Variants in RALYL observed in about 807,000 individuals in gnomAD.
RALYL encodes RNA-binding Raly-like protein.
RALYL carries 29 observed loss-of-function variants against 35.1 expected under a neutral mutation model. The observed-to-expected ratio is 0.83, with a 90% CI of 0.61 to 1.13. The LOEUF (loss-of-function observed/expected upper bound fraction) is 1.13. RALYL is among the 50% of genes most tolerant of loss of function. RALYL has a pLI of 0.00. For synonymous variants in RALYL, 120 were observed against 127.6 expected (o/e 0.94, Z 0.40); for missense variants, 359 against 360.4 (o/e 1.00, Z 0.03).
intron 3 of RALYL, among the ~76,000 whole-genome samples, chr8:84,782,322 G>C (rs1818379403): frequency 6.6e-6 from 1 of 152,138 alleles, no homozygotes; most frequent in Non-Finnish European, 1.5e-5. Flanking sequence ...TCTAAGTCTA[G>C]AAGAAAAAGA....
chr8:84,489,862 G>C (rs2055068078), intron 1 of RALYL, among the ~76,000 whole-genome samples: 1 of 152,040 alleles, frequency 6.6e-6, no homozygotes, highest in Non-Finnish European at 1.5e-5. Flanking sequence ...GAGAGCACAA[G>C]TGGTTTGGAA....
At chr8:84,281,401 A>T (rs1034804713) in intron 1 of RALYL, among the ~76,000 whole-genome samples, 1 of 151,952 alleles carries the variant, frequency 6.6e-6, no homozygotes, top group Admixed American at 6.6e-5. Context: ...CTTTGTTCGA[A>T]TTTTTTTTCT....
chr8:84,737,674 G>A lies in RALYL; in HGVS notation c.257-36905G>A, dbSNP rs143786723. On this transcript the variant is annotated intron_variant, in intron 2 of 8. Coordinates refer to ENST00000521268, the MANE Select transcript of RALYL (RefSeq NM_173848.7). ...TTTGTGTCCCCAAATTTTATATGGC[G>A]AAACCTCATCAGCAATGTGGTGGTG... Among the ~76,000 whole-genome samples the A allele has an allele frequency of 4.5e-3, 681 of 152,014 alleles. 1 individual carries two copies. Among genetic ancestry groups the A allele is most frequent in the Admixed American group, 9.9e-3 (150 of 15,212 alleles).
chr8:84,632,810 G>A (rs1266393055), intron 2 of RALYL, among the ~76,000 whole-genome samples: 2 of 151,850 alleles, frequency 1.3e-5, no homozygotes, highest in Non-Finnish European at 2.9e-5. Flanking sequence ...TTTTCCCAGA[G>A]GAATATACAG....
At chr8:84,565,220 A>G (rs2061701775) in intron 2 of RALYL, among the ~76,000 whole-genome samples, 1 of 151,616 alleles carries the variant, frequency 6.6e-6, no homozygotes, top group Admixed American at 6.6e-5. Context: ...AGCTAATACT[A>G]TTTGAGTGCA....
intron 1 of RALYL, among the ~76,000 whole-genome samples, chr8:84,335,769 G>C (rs187632933): frequency 1.8e-5 from 2 of 109,338 alleles, no homozygotes; most frequent in African/African-American, 7.8e-5. Context: ...CATCTTACTT[G>C]GTGGGCAAAC....
chr8:84,671,940 A>T (rs943664289), intron 2 of RALYL, among the ~76,000 whole-genome samples: 1 of 152,082 alleles, frequency 6.6e-6, no homozygotes, highest in Non-Finnish European at 1.5e-5. Context: ...TTTCTTTTCT[A>T]TTGCATTGTC....
chr8:84,625,106 A>G (rs1159445018), intron 2 of RALYL, among the ~76,000 whole-genome samples: 1 of 152,208 alleles, frequency 6.6e-6, no homozygotes, highest in African/African-American at 2.4e-5. Context: ...ATGTAAAATT[A>G]TGTTGAAAAG....
chr8:84,674,166 C>T lies in RALYL; in HGVS notation c.257-100413C>T, dbSNP rs981052262. On this transcript the variant is annotated intron_variant, in intron 2 of 8. Coordinates refer to ENST00000521268, the MANE Select transcript of RALYL (RefSeq NM_173848.7). ...GAATGGGAGTTCATTCCTTATTTGGCTCTTGGCTTGACTGTTGTTGGTGTA... is the reference window on the plus strand; with the variant it reads ...GAATGGGAGTTCATTCCTTATTTGGTTCTTGGCTTGACTGTTGTTGGTGTA... 2.6e-5 allele frequency among the ~76,000 whole-genome samples: 4 copies of T among 152,028 alleles called. No homozygotes were observed. The East Asian group carries it at 7.7e-4, about 29-fold the overall frequency.
chr8:84,308,638 C>T (rs1036120098), intron 1 of RALYL, among the ~76,000 whole-genome samples: 13 of 151,864 alleles, frequency 8.6e-5, no homozygotes, highest in African/African-American at 2.9e-4. Context: ...ATTGTATTAC[C>T]CCATGGATTT....
chr8:84,721,100 G>A (rs957713058), intron 2 of RALYL, among the ~76,000 whole-genome samples: 7 of 151,962 alleles, frequency 4.6e-5, no homozygotes, highest in African/African-American at 1.7e-4. Context: ...GGGCAAGATG[G>A]CTCAGATCTG....
At chr8:84,292,726 C>G (rs886188489) in intron 1 of RALYL, among the ~76,000 whole-genome samples, 1 of 152,264 alleles carries the variant, frequency 6.6e-6, no homozygotes, top group Non-Finnish European at 1.5e-5. Context: ...CAGAAAGTTA[C>G]TTTATATGGT....
chr8:84,492,365 T>C (rs1439912512), intron 1 of RALYL, among the ~76,000 whole-genome samples: 1 of 152,124 alleles, frequency 6.6e-6, no homozygotes, highest in Non-Finnish European at 1.5e-5. Context: ...AGAGATTTGA[T>C]TACAAAACAT....
At chr8:84,892,055 G>A (rs1440345919) in intron 8 of RALYL, among the ~76,000 whole-genome samples, 1 of 152,180 alleles carries the variant, frequency 6.6e-6, no homozygotes, top group Non-Finnish European at 1.5e-5. Context: ...GGTAGCTGTA[G>A]GTGGTGGTGC....
chr8:84,702,537 T>TCACA (rs773689586), intron 2 of RALYL, among the ~76,000 whole-genome samples: 17 of 143,608 alleles, frequency 1.2e-4, no homozygotes, highest in African/African-American at 2.6e-4. Flanking sequence ...TCTCTCTCTC[T>TCACA]CTCACACACA....
intron 1 of RALYL, among the ~76,000 whole-genome samples, chr8:84,381,452 C>G (rs1857981830): frequency 6.6e-6 from 1 of 151,804 alleles, no homozygotes; most frequent in Non-Finnish European, 1.5e-5. Context: ...TCCATCTTTC[C>G]ACCTTTCAAA....
At chr8:84,196,858 A>G (rs1476504397) in intron 1 of RALYL, among the ~76,000 whole-genome samples, 1 of 152,208 alleles carries the variant, frequency 6.6e-6, no homozygotes. Flanking sequence ...GGTCCCATTG[A>G]CTAAGAAATA....
intron 8 of RALYL, among the ~76,000 whole-genome samples, chr8:84,911,532 G>A (rs1847509815): frequency 6.6e-6 from 1 of 152,072 alleles, no homozygotes; most frequent in Non-Finnish European, 1.5e-5. Flanking sequence ...CAAATGTGGT[G>A]GTAGAGGGGT....
intron 2 of RALYL, among the ~76,000 whole-genome samples, chr8:84,691,953 A>G (rs907888817): frequency 2.0e-5 from 3 of 152,192 alleles, no homozygotes; most frequent in East Asian, 1.9e-4. Flanking sequence ...ACATTTAAAA[A>G]TATACCAAAA....
Sources: allele counts gnomAD v4.1 joint callset (sites outside exome capture counted in the v4.1 genomes callset), GRCh38; gene constraint gnomAD v4.1.1; transcripts MANE v1.5; gene names NCBI Gene and HGNC (gene_info 2026-07-23, HGNC 2026-07-21).